Variants in VPS13A observed in about 807,000 individuals in gnomAD.
VPS13A encodes the protein vacuolar protein sorting 13 homolog A.
A neutral mutation model predicts 390.9 loss-of-function variants in VPS13A; 264 were observed. That is an observed-to-expected ratio of 0.68 (90% CI 0.61 to 0.75). The LOEUF is 0.75. VPS13A is among the 30% of genes least tolerant of loss of function. The pLI, the probability that VPS13A is intolerant of heterozygous loss-of-function variation, is 0.00. For missense variants in VPS13A, 3,409 were observed against 3,733.9 expected (o/e 0.91, Z 2.27); for synonymous variants, 1,231 against 1,227.1 (o/e 1.00, Z -0.07).
chr9:77,329,546 A>G (rs998515114), intron 45 of VPS13A, among the ~76,000 whole-genome samples: 47 of 152,182 alleles, frequency 3.1e-4, no homozygotes, highest in African/African-American at 1.1e-3. Flanking sequence ...AGAATGTCCA[A>G]TTTGTGGAGC....
At chr9:77,200,117 T>G in intron 2 of VPS13A, 129 bp downstream of exon 2, 2 of 784,252 alleles carry the variant, frequency 2.6e-6, no homozygotes, top group Non-Finnish European at 4.1e-6. Context: ...TTGCAAAATG[T>G]AAATTTTGCT....
In VPS13A at chr9:77,220,300, T is replaced by A. The variant is rs1379460428; in HGVS notation, c.906T>A (p.Leu302=). ...AGTATTTCAGTATTATGGAGCTTCTTGAATCAGTTGATATGATGGCACAAA... is the reference window on the plus strand; with the variant it reads ...AGTATTTCAGTATTATGGAGCTTCTAGAATCAGTTGATATGATGGCACAAA... ...KPQYFSIMEL[L]ESVDMMAQNL... is the part of the protein sequence containing the mutation. Residue 302 remains leucine, a synonymous_variant, in exon 12 of 72, where the codon CTT becomes CTA. Transcript: ENST00000360280. The A allele has an allele frequency of 1.6e-5, 25 of 1,612,378 alleles. No individual in the cohort carries two copies. Among genetic ancestry groups the A allele is most frequent in the Non-Finnish European group, 2.1e-5 (25 of 1,179,058 alleles).
chr9:77,245,513 G>A (rs769427780), intron 19 of VPS13A, among the ~76,000 whole-genome samples: 2 of 152,140 alleles, frequency 1.3e-5, no homozygotes, highest in African/African-American at 4.8e-5. Flanking sequence ...AGGCTAATTG[G>A]ATGGTCTTCA....
chr9:77,328,652 G>A (rs539783759), intron 45 of VPS13A, among the ~76,000 whole-genome samples: 79 of 152,260 alleles, frequency 5.2e-4, no homozygotes, highest in Admixed American at 2.4e-3. Flanking sequence ...TCTTGCACTT[G>A]TGTGTTATGC....
chr9:77,271,633 T>C (rs1826359335), intron 23 of VPS13A, among the ~76,000 whole-genome samples: 1 of 152,070 alleles, frequency 6.6e-6, no homozygotes, highest in South Asian at 2.1e-4. Flanking sequence ...GGAAAAAAAA[T>C]ACTAATACAT....
intron 50 of VPS13A, among the ~76,000 whole-genome samples, chr9:77,341,426 A>G (rs1052215366): frequency 3.3e-5 from 5 of 152,128 alleles, no homozygotes; most frequent in East Asian, 3.8e-4. Flanking sequence ...CTATATGTCT[A>G]TATGTGGTTT....
chr9:77,255,838 T>A (rs1349057380), intron 22 of VPS13A, among the ~76,000 whole-genome samples: 1 of 152,128 alleles, frequency 6.6e-6, no homozygotes, highest in Non-Finnish European at 1.5e-5. Context: ...TTTTGTAAAA[T>A]GAGTAGTAAT....
chr9:77,287,487 A>G (rs544296238), intron 31 of VPS13A, among the ~76,000 whole-genome samples: 1 of 152,238 alleles, frequency 6.6e-6, no homozygotes, highest in African/African-American at 2.4e-5. Context: ...GCTGAGCCAC[A>G]GCGCCTGGCC....
At chr9:77,389,669 C>T (rs1286106259) in intron 68 of VPS13A, 1 of 152,036 alleles carries the variant, frequency 6.6e-6, no homozygotes, top group African/African-American at 2.4e-5. Flanking sequence ...CCTTTTGACT[C>T]TATACTTTTT....
chr9:77,264,288 G>T (rs758952049), intron 23 of VPS13A, among the ~76,000 whole-genome samples: 1 of 151,958 alleles, frequency 6.6e-6, no homozygotes, highest in Non-Finnish European at 1.5e-5. Context: ...GCTCTTTTTT[G>T]GTTCCATATG....
intron 19 of VPS13A, among the ~76,000 whole-genome samples, chr9:77,244,890 A>G (rs931060112): frequency 1.3e-5 from 2 of 152,078 alleles, no homozygotes; most frequent in African/African-American, 4.8e-5. Flanking sequence ...GATCAGATAT[A>G]TATGTAGGAT....
At chr9:77,280,312 T>C (rs1233509939) in intron 27 of VPS13A, 74 bp downstream of exon 27, 1 of 1,236,738 alleles carries the variant, frequency 8.1e-7, no homozygotes, top group East Asian at 2.4e-5. Context: ...AAGTTTGGTA[T>C]TATTCAGTTT....
intron 52 of VPS13A, among the ~76,000 whole-genome samples, chr9:77,349,511 G>A (rs1831339737): frequency 6.6e-6 from 1 of 152,032 alleles, no homozygotes; most frequent in African/African-American, 2.4e-5. Context: ...TTGTGTCCCT[G>A]CAAAGCATGA....
intron 13 of VPS13A, among the ~76,000 whole-genome samples, chr9:77,222,634 A>G (rs869309): frequency 0.014 from 2,164 of 152,194 alleles, 50 homozygotes; most frequent in African/African-American, 0.05. Flanking sequence ...ATTCCTGTCT[A>G]TGTGTCACAT....
chr9:77,402,454 C>T (rs144092954), intron 68 of VPS13A, among the ~76,000 whole-genome samples: 2 of 152,178 alleles, frequency 1.3e-5, no homozygotes, highest in Non-Finnish European at 2.9e-5. Flanking sequence ...CATAACATGC[C>T]TCTTCTTGAG....
At chr9:77,260,442 G>T (rs553642132) in intron 23 of VPS13A, among the ~76,000 whole-genome samples, 22 of 140,216 alleles carry the variant, frequency 1.6e-4, no homozygotes, top group African/African-American at 5.9e-4. Flanking sequence ...TGCAAGCTCC[G>T]CCTCCCAGGC....
chr9:77,184,793 C>T (rs779098014), intron 1 of VPS13A, among the ~76,000 whole-genome samples: 6 of 151,882 alleles, frequency 4.0e-5, no homozygotes, highest in African/African-American at 7.3e-5. Context: ...TTGGTCATGA[C>T]GTGTATGTTT....
At chr9:77,234,943 T>G (rs751966734) in intron 17 of VPS13A, among the ~76,000 whole-genome samples, 2 of 152,220 alleles carry the variant, frequency 1.3e-5, no homozygotes, top group African/African-American at 2.4e-5. Flanking sequence ...TCTACTCTTA[T>G]GCAGCTCCAT....
Position 77,321,827 on chromosome 9 carries a change from T to C in VPS13A, c.5830+81T>C. ...CATGTTATTTTACTCTTTTGTAGAA[T>C]CTTAGCAAGGTTTTTTTTGTTTTTG... is the stretch of plus-strand genomic sequence containing the variant. On this transcript the variant is annotated intron_variant, in intron 44 of 71. Transcript: ENST00000360280. The C allele has an allele frequency of 2.6e-6, 4 of 1,533,550 alleles. No individual in the cohort carries two copies. In the South Asian group the frequency reaches 3.6e-5, roughly 14 times the overall value. The allele number at this position is 1,533,550 out of a possible 1,614,324, so 95.0% of individuals were successfully genotyped here.
Sources: gnomAD v4.1 joint callset for allele counts (sites outside exome capture counted in the v4.1 genomes callset) on GRCh38, gnomAD v4.1.1 for gene constraint, MANE v1.5 for transcripts, NCBI Gene and HGNC (gene_info 2026-07-23, HGNC 2026-07-21) for gene names.